Variants in MUSK observed in about 807,000 individuals in gnomAD.
MUSK encodes muscle, skeletal receptor tyrosine-protein kinase.
MUSK carries 55 observed loss-of-function variants against 88.7 expected under a neutral mutation model. The ratio of observed to expected loss-of-function variants is 0.62; its 90% CI spans 0.50 to 0.78. MUSK has a LOEUF of 0.78. MUSK is among the 30% of genes least tolerant of loss of function. The probability of loss-of-function intolerance (pLI) is 0.00; values close to 1 mark genes in which losing one functional copy is unlikely to be tolerated. For missense variants in MUSK, 1,015 were observed against 1,074.3 expected (o/e 0.94, Z 0.77); for synonymous variants, 387 against 391.9 (o/e 0.99, Z 0.15).
At chr9:110,729,767 C>G (rs1323952727) in intron 5 of MUSK, among the ~76,000 whole-genome samples, 1 of 151,948 alleles carries the variant, frequency 6.6e-6, no homozygotes, top group Non-Finnish European at 1.5e-5. Context: ...AATAACTGCT[C>G]AGAAATAGAA....
rs745585143 is a variant in MUSK at position 110,762,234 on chromosome 9, G to A, written c.920+26G>A. 1.0e-5 allele frequency: 14 copies of A among 1,346,388 alleles called. 1 individual carries two copies. In the South Asian group the frequency reaches 2.4e-4, roughly 24 times the overall value. The allele number at this position is 1,346,388 out of a possible 1,614,324, so 83.4% of individuals were successfully genotyped here. ...GTAAGAAACTGTTATTGTAACAATT[G>A]TTTCCAATGTTTTGTTTTGTAGGGA... is the stretch of plus-strand genomic sequence containing the variant. On this transcript the variant is annotated intron_variant, in intron 8 of 14. Transcript: ENST00000374448.
chr9:110,723,526 C>A (rs945313968), intron 5 of MUSK, among the ~76,000 whole-genome samples: 2 of 151,846 alleles, frequency 1.3e-5, no homozygotes, highest in African/African-American at 4.8e-5. Flanking sequence ...TACAGTTTAC[C>A]CTGCTCAGGT....
At chr9:110,740,693 A>G (rs2077085956) in intron 6 of MUSK, among the ~76,000 whole-genome samples, 1 of 152,140 alleles carries the variant, frequency 6.6e-6, no homozygotes, top group African/African-American at 2.4e-5. Context: ...AAGAATGGTA[A>G]CCCTGAGGCA....
At chr9:110,692,170 GT>G (rs912760628) in intron 3 of MUSK, among the ~76,000 whole-genome samples, 25 of 151,492 alleles carry the variant, frequency 1.7e-4, no homozygotes, top group African/African-American at 6.1e-4. Context: ...TTTTGTTTTG[GT>G]TTTTTTGAGA....
chr9:110,704,417 A>C (rs1349296006), intron 5 of MUSK, among the ~76,000 whole-genome samples: 1 of 152,200 alleles, frequency 6.6e-6, no homozygotes, highest in African/African-American at 2.4e-5. Flanking sequence ...TAAAAGCAGA[A>C]CCTACCTCTT....
intron 1 of MUSK, among the ~76,000 whole-genome samples, chr9:110,672,614 A>G (rs2075973681): frequency 6.6e-6 from 1 of 152,186 alleles, no homozygotes; most frequent in African/African-American, 2.4e-5. Flanking sequence ...AATGCTTGGA[A>G]GAGAAGGTTA....
At chr9:110,696,884 G>A (rs1023886860) in intron 4 of MUSK, among the ~76,000 whole-genome samples, 26 of 151,536 alleles carry the variant, frequency 1.7e-4, no homozygotes, top group Non-Finnish European at 1.2e-4. Context: ...AGATTTTAGC[G>A]TGCCTATTAC....
At chr9:110,714,483 G>A (rs1170774961) in intron 5 of MUSK, among the ~76,000 whole-genome samples, 1 of 152,112 alleles carries the variant, frequency 6.6e-6, no homozygotes, top group Admixed American at 6.6e-5. Flanking sequence ...AAAGGAGCTT[G>A]CCTTCTGACT....
intron 14 of MUSK, among the ~76,000 whole-genome samples, chr9:110,789,636 G>A (rs769338420): frequency 7.2e-5 from 11 of 152,164 alleles, no homozygotes; most frequent in Non-Finnish European, 1.0e-4. Flanking sequence ...AAAATTAGCC[G>A]GGTGTGGTGG....
intron 7 of MUSK, among the ~76,000 whole-genome samples, chr9:110,754,574 T>G (rs1327813098): frequency 6.6e-6 from 1 of 152,224 alleles, no homozygotes; most frequent in Non-Finnish European, 1.5e-5. Flanking sequence ...GATTCTCTTT[T>G]GCATTGGCTT....
intron 11 of MUSK, among the ~76,000 whole-genome samples, chr9:110,778,583 TTAAG>T: frequency 6.6e-6 from 1 of 152,178 alleles, no homozygotes; most frequent in South Asian, 2.1e-4. Context: ...TTCTACAAAA[TTAAG>T]TACTATGAAC....
intron 9 of MUSK, among the ~76,000 whole-genome samples, chr9:110,771,161 CTTTTT>C (rs34185224): frequency 2.1e-5 from 2 of 96,432 alleles, no homozygotes; most frequent in African/African-American, 4.1e-5. Flanking sequence ...TCATTTCCTT[CTTTTT>C]TTTTTTTTTT....
intron 6 of MUSK, among the ~76,000 whole-genome samples, chr9:110,747,157 C>T (rs558677368): frequency 2.6e-5 from 4 of 152,300 alleles, no homozygotes; most frequent in African/African-American, 9.6e-5. Flanking sequence ...GCAGGACTGC[C>T]TGATCTTGGC....
At position 110,760,768 on chromosome 9, in the gene MUSK, T is replaced by C. The variant is rs191292413; in HGVS notation, c.914-1434T>C. Among the ~76,000 whole-genome samples the C allele has an allele frequency of 4.5e-4, 68 of 152,182 alleles. 2 individuals are homozygous for C. Among genetic ancestry groups the C allele is most frequent in the African/African-American group, 1.6e-3 (65 of 41,532 alleles). ...TCAGGATCACTGAATAAAAAGCTCA[T>C]AAAGATTCAAAAAAGTCATACACTC... On this transcript the variant is annotated intron_variant, in intron 7 of 14. Transcript: ENST00000374448.
intron 11 of MUSK, among the ~76,000 whole-genome samples, chr9:110,781,596 T>C (rs757578021): frequency 5.9e-5 from 9 of 152,186 alleles, no homozygotes; most frequent in Non-Finnish European, 1.0e-4. Context: ...CCTTAGTCTG[T>C]TCAGGTTGCT....
chr9:110,773,295 G>C (rs932950142), intron 9 of MUSK, among the ~76,000 whole-genome samples: 1 of 152,054 alleles, frequency 6.6e-6, no homozygotes, highest in Non-Finnish European at 1.5e-5. Context: ...TTAAAAATAA[G>C]GTGTTCAGGG....
intron 9 of MUSK, 41 bp downstream of exon 9, chr9:110,768,124 T>C (rs750990375): frequency 2.6e-6 from 4 of 1,554,514 alleles, no homozygotes; most frequent in Non-Finnish European, 2.6e-6. Flanking sequence ...ATTCCATTTT[T>C]CTATCTGCAC....
intron 7 of MUSK, among the ~76,000 whole-genome samples, chr9:110,760,216 A>G (rs950394688): frequency 3.3e-5 from 5 of 152,176 alleles, no homozygotes; most frequent in Non-Finnish European, 5.9e-5. Context: ...CTGAGTATAT[A>G]TTCAAAGGAA....
chr9:110,674,865 G>A (rs2076004297), intron 1 of MUSK, among the ~76,000 whole-genome samples: 1 of 152,004 alleles, frequency 6.6e-6, no homozygotes, highest in Non-Finnish European at 1.5e-5. Flanking sequence ...TCCCACCTCG[G>A]CCTCAAAAGT....
Sources: allele counts gnomAD v4.1 joint callset (sites outside exome capture counted in the v4.1 genomes callset), GRCh38; gene constraint gnomAD v4.1.1; transcripts MANE v1.5; gene names NCBI Gene and HGNC (gene_info 2026-07-23, HGNC 2026-07-21).